The following RAI1 variants were observed in gnomAD, a reference collection of about 807,000 sequenced individuals.
RAI1 encodes the protein retinoic acid-induced protein 1.
A neutral mutation model predicts 123.8 loss-of-function variants in RAI1; 9 were observed. The ratio of observed to expected loss-of-function variants is 0.07; its 90% CI spans 0.04 to 0.13. The LOEUF is 0.13. RAI1 is among the 10% of genes least tolerant of loss of function. The probability of loss-of-function intolerance (pLI) is 1.00; values close to 1 mark genes in which losing one functional copy is unlikely to be tolerated. For missense variants in RAI1, 2,256 were observed against 2,545.8 expected (o/e 0.89, Z 2.45); for synonymous variants, 1,231 against 1,127.3 (o/e 1.09, Z -1.84).
At chr17:17,723,058 C>G (rs1483443500) in intron 1 of RAI1, among the ~76,000 whole-genome samples, 1 of 152,180 alleles carries the variant, frequency 6.6e-6, no homozygotes, top group African/African-American at 2.4e-5. Flanking sequence ...AAGCCCCGTA[C>G]AGGCGCACTG....
intron 1 of RAI1, among the ~76,000 whole-genome samples, chr17:17,700,854 C>G (rs1264560317): frequency 6.6e-6 from 1 of 152,244 alleles, no homozygotes; most frequent in African/African-American, 2.4e-5. Flanking sequence ...GCTTGGCATT[C>G]AAGGCCCTTC....
chr17:17,780,722 GTTACACGGC>G (rs142966063), intron 2 of RAI1, among the ~76,000 whole-genome samples: 1,970 of 152,338 alleles, frequency 0.013, 41 homozygotes, highest in African/African-American at 0.043. Context: ...GGGTGCTGCA[GTTACACGGC>G]TCCAGCAGTC....
chr17:17,770,987 G>A (rs1240659642), intron 2 of RAI1, among the ~76,000 whole-genome samples: 1 of 152,138 alleles, frequency 6.6e-6, no homozygotes, highest in East Asian at 1.9e-4. Context: ...GAGAATTCCT[G>A]GGGGTGTCTG....
At chr17:17,758,588 T>A (rs1396525220) in intron 2 of RAI1, among the ~76,000 whole-genome samples, 1 of 152,214 alleles carries the variant, frequency 6.6e-6, no homozygotes, top group Non-Finnish European at 1.5e-5. Context: ...CGTTCCTGAG[T>A]GCCTGTTTCT....
At position 17,804,026 on chromosome 17, in the gene RAI1, A is replaced by C. The variant is rs1310283886; in HGVS notation, c.5659+177A>C. 4 of 733,888 alleles carry C rather than the reference A, an allele frequency of 5.5e-6. No homozygotes were observed. In the Admixed American group the frequency reaches 8.1e-5, roughly 15 times the overall value. The allele number at this position is 733,888 out of a possible 1,614,324, so 45.5% of individuals were successfully genotyped here. On this transcript the variant is annotated intron_variant, in intron 4 of 5. Transcript: ENST00000353383. ...GCCTAGACCTCTGCTGGGCAATGCC[A>C]GGGACATGGAAATGAGGCATTCCCC...
intron 2 of RAI1, among the ~76,000 whole-genome samples, chr17:17,755,117 C>T (rs1211373693): frequency 6.6e-6 from 1 of 152,226 alleles, no homozygotes; most frequent in Non-Finnish European, 1.5e-5. Flanking sequence ...CCTCTGAGCT[C>T]CCACAGCCTG....
intron 2 of RAI1, chr17:17,765,725 G>C (rs1330027939): frequency 1.3e-5 from 2 of 152,230 alleles, no homozygotes; most frequent in African/African-American, 4.8e-5. Context: ...CTGGGGCCTC[G>C]GGCTGGGGTT....
intron 2 of RAI1, among the ~76,000 whole-genome samples, chr17:17,727,855 G>A (rs1012086473): frequency 4.6e-5 from 7 of 152,146 alleles, no homozygotes; most frequent in African/African-American, 1.7e-4. Context: ...AGACCCCCCG[G>A]GGAGAAGGGA....
At chr17:17,722,838 G>A (rs1375289439) in intron 1 of RAI1, among the ~76,000 whole-genome samples, 1 of 151,090 alleles carries the variant, frequency 6.6e-6, no homozygotes, top group Non-Finnish European at 1.5e-5. Context: ...CCTCTTCTCC[G>A]CCTTCTCTCT....
intron 4 of RAI1, among the ~76,000 whole-genome samples, chr17:17,804,710 A>T (rs948045029): frequency 6.6e-6 from 1 of 152,124 alleles, no homozygotes; most frequent in Non-Finnish European, 1.5e-5. Flanking sequence ...CCCAAGCTAG[A>T]GTGCAGGGGT....
intron 2 of RAI1, among the ~76,000 whole-genome samples, chr17:17,792,560 G>A (rs2032054701): frequency 7.1e-6 from 1 of 141,154 alleles, no homozygotes; most frequent in African/African-American, 2.7e-5. Flanking sequence ...GGACATTGGG[G>A]AGGAGCTGGC....
At chr17:17,723,184 T>A (rs1345248122) in intron 1 of RAI1, among the ~76,000 whole-genome samples, 1 of 151,722 alleles carries the variant, frequency 6.6e-6, no homozygotes, top group Admixed American at 6.6e-5. Flanking sequence ...CAATCCCATA[T>A]ACACACAACC....
chr17:17,775,631 C>G (rs2031317308), intron 2 of RAI1, among the ~76,000 whole-genome samples: 1 of 151,110 alleles, frequency 6.6e-6, no homozygotes, highest in African/African-American at 2.5e-5. Context: ...AAGGAGGAGA[C>G]AATCGAATCT....
intron 1 of RAI1, among the ~76,000 whole-genome samples, chr17:17,711,542 G>T (rs1305042953): frequency 6.6e-6 from 1 of 152,222 alleles, no homozygotes; most frequent in Admixed American, 6.5e-5. Flanking sequence ...AGGGAAGTGG[G>T]AGGTGTACAC....
In RAI1 at chr17:17,746,211, C is replaced by T. The variant is rs528903439; in HGVS notation, c.-17+22052C>T. On this transcript the variant is annotated intron_variant, in intron 2 of 5. Coordinates refer to ENST00000353383, the MANE Select transcript of RAI1 (RefSeq NM_030665.4). Reference sequence around the variant, plus strand: ...CCGGCAGATGCCCCCGGGGGTGCCACCGTGCCCCCACTCGCCATCTCCGAT... The same window carrying T: ...CCGGCAGATGCCCCCGGGGGTGCCATCGTGCCCCCACTCGCCATCTCCGAT... Among the ~76,000 whole-genome samples the T allele has an allele frequency of 3.3e-5, 5 of 152,346 alleles. No individual in the cohort carries two copies. In the South Asian group the frequency reaches 1.0e-3, roughly 32 times the overall value.
chr17:17,761,066 G>A (rs1038208232), intron 2 of RAI1, among the ~76,000 whole-genome samples: 1 of 152,214 alleles, frequency 6.6e-6, no homozygotes, highest in Non-Finnish European at 1.5e-5. Flanking sequence ...TCACTTCCCA[G>A]CTGTGTGACC....
chr17:17,760,897 G>A (rs924405875), intron 2 of RAI1, among the ~76,000 whole-genome samples: 17 of 152,180 alleles, frequency 1.1e-4, no homozygotes, highest in Non-Finnish European at 1.6e-4. Context: ...GCATCAAGGC[G>A]TGCCTATAGG....
chr17:17,729,444 C>T (rs572895487), intron 2 of RAI1, among the ~76,000 whole-genome samples: 12 of 152,356 alleles, frequency 7.9e-5, no homozygotes, highest in African/African-American at 2.9e-4. Flanking sequence ...CACCCATGTG[C>T]CACCTCTGTG....
At chr17:17,757,411 G>A (rs577404408) in intron 2 of RAI1, among the ~76,000 whole-genome samples, 1 of 152,342 alleles carries the variant, frequency 6.6e-6, no homozygotes, top group Non-Finnish European at 1.5e-5. Context: ...CCCTTCTACA[G>A]ACCAGTTCAA....
Sources: allele counts gnomAD v4.1 joint callset (sites outside exome capture counted in the v4.1 genomes callset), GRCh38; gene constraint gnomAD v4.1.1; transcripts MANE v1.5; gene names NCBI Gene and HGNC (gene_info 2026-07-23, HGNC 2026-07-21).